Variants in LRRC28 observed in about 807,000 individuals in gnomAD.
LRRC28 encodes leucine-rich repeat-containing protein 28.
A neutral mutation model predicts 45.7 loss-of-function variants in LRRC28; 39 were observed. The ratio of observed to expected loss-of-function variants is 0.85; its 90% confidence interval spans 0.66 to 1.12. The LOEUF (loss-of-function observed/expected upper bound fraction) is 1.12, where lower values mean the gene tolerates loss of function less well. LRRC28 is among the 50% of genes most tolerant of loss of function. LRRC28 has a pLI of 0.00. For missense variants in LRRC28, 435 were observed against 438.5 expected (o/e 0.99, Z 0.07); for synonymous variants, 206 against 178.8 (o/e 1.15, Z -1.22).
chr15:99,312,005 A>G (rs1232113127), intron 5 of LRRC28, among the ~76,000 whole-genome samples: 1 of 152,238 alleles, frequency 6.6e-6, no homozygotes, highest in African/African-American at 2.4e-5. Context: ...AATGATGTGT[A>G]TTGTGATTCC....
chr15:99,303,247 G>A (rs189632221), intron 5 of LRRC28, among the ~76,000 whole-genome samples: 4 of 152,194 alleles, frequency 2.6e-5, no homozygotes, highest in Non-Finnish European at 5.9e-5. Flanking sequence ...TAAAGATTAA[G>A]CACCTTTTCA....
intron 5 of LRRC28, among the ~76,000 whole-genome samples, chr15:99,294,976 G>T (rs2082226114): frequency 6.6e-6 from 1 of 152,244 alleles, no homozygotes; most frequent in Non-Finnish European, 1.5e-5. Flanking sequence ...CCCCATGGCA[G>T]AAATTCAGGT....
At chr15:99,373,559 A>G (rs1957543714) in intron 9 of LRRC28, among the ~76,000 whole-genome samples, 1 of 152,168 alleles carries the variant, frequency 6.6e-6, no homozygotes, top group Non-Finnish European at 1.5e-5. Context: ...GTTACTTTAA[A>G]ATGCACAATT....
At chr15:99,279,172 G>A (rs868735901) in intron 3 of LRRC28, among the ~76,000 whole-genome samples, 3 of 152,206 alleles carry the variant, frequency 2.0e-5, no homozygotes, top group African/African-American at 7.2e-5. Flanking sequence ...TTTGTATCTG[G>A]CTGCATTAAC....
intron 7 of LRRC28, among the ~76,000 whole-genome samples, chr15:99,355,179 T>C (rs185285590): frequency 1.8e-4 from 27 of 152,366 alleles, no homozygotes; most frequent in African/African-American, 6.3e-4. Context: ...CTATGTTTAT[T>C]TGTCAAATAA....
rs375192587 is a variant in LRRC28 at position 99,276,633 on chromosome 15, A to C, written c.209+17A>C. On this transcript the variant is annotated intron_variant, in intron 3 of 9. Transcript: ENST00000301981. ...TGTGGAACTGTGAGTCTGTTTATTC[A>C]AATTTTTTAAAGACAAGAATGAAAA... The C allele has an allele frequency of 6.7e-7, 1 of 1,501,746 alleles. No homozygotes were observed. The highest frequency in any genetic ancestry group is 8.9e-7 in the Non-Finnish European group (1 of 1,125,496). 93.0% of individuals were successfully genotyped at this position (1,501,746 alleles called of 1,614,324 possible). A position where few individuals can be genotyped will look rare whatever the true frequency, so the allele number is the denominator to read the frequency against.
chr15:99,317,775 GA>G (rs949356924), intron 5 of LRRC28, among the ~76,000 whole-genome samples: 4 of 152,008 alleles, frequency 2.6e-5, no homozygotes, highest in African/African-American at 4.8e-5. Context: ...AAGCATTTCT[GA>G]AAAAAATATG....
chr15:99,276,499 A>C (rs2081620158), intron 2 of LRRC28, 77 bp from the exon 3 acceptor site: 1 of 1,191,808 alleles, frequency 8.4e-7, no homozygotes, highest in South Asian at 1.6e-5. Flanking sequence ...AAAAGGTAGT[A>C]CTTTGTATTT....
In LRRC28 at chr15:99,389,477, T is replaced by G. The variant is rs550857790; in HGVS notation, c.*3375T>G. On this transcript the variant is annotated 3_prime_UTR_variant, in exon 10 of 10. Coordinates refer to ENST00000301981, the MANE Select transcript of LRRC28 (RefSeq NM_144598.5). The stretch of plus-strand genomic sequence containing the variant: ...ATTCTAATCTTTGCTATAAAGTACT[T>G]AAACACAATACATTGCCTCAGCATA... 131 of 152,356 alleles carry G rather than the reference T, an allele frequency of 8.6e-4. No individual in the cohort carries two copies. The highest frequency in any genetic ancestry group is 2.8e-3 in the African/African-American group (118 of 41,572). The allele number at this position is 152,356 out of a possible 1,614,324, so 9.4% of individuals were successfully genotyped here.
intron 7 of LRRC28, among the ~76,000 whole-genome samples, chr15:99,354,507 G>A (rs1956988370): frequency 6.6e-6 from 1 of 152,156 alleles, no homozygotes; most frequent in Admixed American, 6.5e-5. Flanking sequence ...TCTAGTAAAA[G>A]GACATACGTG....
intron 6 of LRRC28, among the ~76,000 whole-genome samples, chr15:99,340,489 A>G (rs1361099895): frequency 1.3e-5 from 2 of 152,232 alleles, no homozygotes; most frequent in African/African-American, 4.8e-5. Context: ...ACTTCAATCA[A>G]CTATTGAAAC....
intron 3 of LRRC28, among the ~76,000 whole-genome samples, chr15:99,279,148 A>G (rs1318841969): frequency 6.6e-6 from 1 of 152,212 alleles, no homozygotes; most frequent in Non-Finnish European, 1.5e-5. Context: ...GTGGAATGAG[A>G]CAATATGTGA....
At chr15:99,268,059 C>A (rs2081377888) in intron 2 of LRRC28, among the ~76,000 whole-genome samples, 1 of 152,098 alleles carries the variant, frequency 6.6e-6, no homozygotes, top group African/African-American at 2.4e-5. Flanking sequence ...AATAAGGTCT[C>A]CTAATTTGTG....
intron 2 of LRRC28, chr15:99,258,377 G>A: frequency 8.6e-7 from 1 of 1,162,526 alleles, no homozygotes; most frequent in South Asian, 1.3e-5. Context: ...TGTCTTAAAA[G>A]AAAAAGCATT....
At chr15:99,382,503 A>T (rs1324485695) in intron 9 of LRRC28, among the ~76,000 whole-genome samples, 1 of 152,212 alleles carries the variant, frequency 6.6e-6, no homozygotes, top group Non-Finnish European at 1.5e-5. Flanking sequence ...TTTCACCTAG[A>T]TATTTAGAAT....
intron 4 of LRRC28, 119 bp downstream of exon 4, chr15:99,287,413 C>A: frequency 1.5e-6 from 1 of 677,918 alleles, no homozygotes; most frequent in African/African-American, 1.9e-5. Context: ...CTTTTTTCTT[C>A]TAATAAGTCC....
intron 1 of LRRC28, among the ~76,000 whole-genome samples, chr15:99,252,172 A>G (rs934341953): frequency 2.6e-5 from 4 of 152,216 alleles, no homozygotes; most frequent in African/African-American, 4.8e-5. Context: ...TTAACTACAT[A>G]AGAGGTAGTA....
At chr15:99,282,360 T>G (rs2152194792) in intron 3 of LRRC28, among the ~76,000 whole-genome samples, 1 of 152,110 alleles carries the variant, frequency 6.6e-6, no homozygotes, top group Admixed American at 6.5e-5. Flanking sequence ...CTAGGGAGAT[T>G]GTGTGGCTTA....
chr15:99,349,228 C>T (rs956414009), intron 6 of LRRC28, among the ~76,000 whole-genome samples: 3 of 152,012 alleles, frequency 2.0e-5, no homozygotes, highest in African/African-American at 7.2e-5. Context: ...GCTCAATTAA[C>T]ACCACGGTTA....
Sources: allele counts gnomAD v4.1 joint callset (sites outside exome capture counted in the v4.1 genomes callset), GRCh38; gene constraint gnomAD v4.1.1; transcripts MANE v1.5; gene names NCBI Gene and HGNC (gene_info 2026-07-23, HGNC 2026-07-21).